Variants in CCNB1IP1 observed in about 807,000 individuals in gnomAD.
The protein encoded by CCNB1IP1 is E3 ubiquitin-protein ligase CCNB1IP1.
CCNB1IP1 carries 14 observed loss-of-function variants against 25.6 expected under a neutral mutation model. The observed-to-expected ratio is 0.55, with a 90% confidence interval of 0.36 to 0.85. The LOEUF (loss-of-function observed/expected upper bound fraction) is 0.85, where lower values mean the gene tolerates loss of function less well. Ranked by LOEUF, CCNB1IP1 falls within the 40% of genes least tolerant of loss-of-function variation. CCNB1IP1 has a pLI of 0.01. For synonymous variants in CCNB1IP1, 119 were observed against 116.1 expected (o/e 1.02, Z -0.16); for missense variants, 278 against 342.4 (o/e 0.81, Z 1.48).
chr14:20,326,692 C>T (rs895661079), intron 3 of CCNB1IP1, 24 bp downstream of exon 3: 7 of 311,476 alleles, frequency 2.2e-5, no homozygotes, highest in East Asian at 1.7e-4. Flanking sequence ...GAGGTAAAAA[C>T]GAAGATTTTG....
chr14:20,332,005 C>CATATATATATAT (rs1555314509), intron 1 of CCNB1IP1, among the ~76,000 whole-genome samples: 4 of 66,578 alleles, frequency 6.0e-5, no homozygotes, highest in African/African-American at 1.6e-4. Flanking sequence ...GATGTGTATA[C>CATATATATATAT]ATATATATAT....
rs777435304 is a variant in CCNB1IP1, at chr14:20,311,557, CTT to C, written c.825_826del (p.Arg276AsnfsTer6). 6.2e-6 allele frequency: 10 copies of C among 1,612,746 alleles called. No individual in the cohort carries two copies. In the South Asian group the frequency reaches 1.1e-4, roughly 18 times the overall value. On this transcript the variant is annotated frameshift_variant, in exon 7 of 7. Coordinates refer to ENST00000358932, the MANE Select transcript of CCNB1IP1 (RefSeq NM_021178.5). LOFTEE classifies it high-confidence loss of function. ...CGTGACACTATGCGTGGCTCAAATT[CTT>C]TTTACTTTGAAGGCCCTGCTAGAAA...
At chr14:20,330,292 A>C (rs1167064022) in intron 1 of CCNB1IP1, among the ~76,000 whole-genome samples, 3 of 152,118 alleles carry the variant, frequency 2.0e-5, no homozygotes, top group African/African-American at 2.4e-5. Context: ...TACTGGGTTC[A>C]CAGGAACAAA....
chr14:20,317,644 A>G (rs1200280980), intron 4 of CCNB1IP1: 2 of 152,200 alleles, frequency 1.3e-5, no homozygotes, highest in Non-Finnish European at 2.9e-5. Flanking sequence ...CGAATCTTCC[A>G]CCAGCTGGGA....
chr14:20,332,274 A>T (rs1883276903), intron 1 of CCNB1IP1, among the ~76,000 whole-genome samples: 2 of 151,982 alleles, frequency 1.3e-5, no homozygotes, highest in South Asian at 4.1e-4. Flanking sequence ...ACATTCGATT[A>T]ACTGGTTTAT....
At chr14:20,324,912 C>G (rs1179259333) in intron 4 of CCNB1IP1, among the ~76,000 whole-genome samples, 11 of 152,066 alleles carry the variant, frequency 7.2e-5, no homozygotes, top group Admixed American at 7.2e-4. Flanking sequence ...CTTCCACCTC[C>G]TGGGTTCAAG....
chr14:20,332,026 ATTTTTTT>A (rs57345952), intron 1 of CCNB1IP1, among the ~76,000 whole-genome samples: 1 of 40,748 alleles, frequency 2.5e-5, no homozygotes, highest in Non-Finnish European at 4.4e-5. Flanking sequence ...ATATATATAT[ATTTTTTT>A]TTTTTTTTTT....
At chr14:20,320,117 A>G (rs1015337857) in intron 4 of CCNB1IP1, among the ~76,000 whole-genome samples, 1 of 152,240 alleles carries the variant, frequency 6.6e-6, no homozygotes, top group Non-Finnish European at 1.5e-5. Context: ...CAGTAATATG[A>G]CATGCAAACA....
rs1882479227 is a variant in CCNB1IP1, at chr14:20,311,539, C to G, written c.*11G>C. On this transcript the variant is annotated 3_prime_UTR_variant, in exon 7 of 7. Coordinates refer to ENST00000358932, the MANE Select transcript of CCNB1IP1 (RefSeq NM_021178.5). ...TAGCTGGGATCACAGGTGCGTGACA[C>G]TATGCGTGGCTCAAATTCTTTTTAC... is the stretch of plus-strand genomic sequence containing the variant. 1.9e-6 allele frequency: 3 copies of G among 1,610,622 alleles called. No homozygotes were observed. Among genetic ancestry groups the G allele is most frequent in the Non-Finnish European group, 2.5e-6 (3 of 1,178,404 alleles).
intron 1 of CCNB1IP1, among the ~76,000 whole-genome samples, chr14:20,332,101 C>T (rs1467174372): frequency 8.6e-5 from 11 of 127,946 alleles, no homozygotes; most frequent in Admixed American, 2.7e-4. Flanking sequence ...ATGGCGCGAT[C>T]TCGGCTCACC....
At chr14:20,332,026 A>ATTTTTTTTT (rs57345952) in intron 1 of CCNB1IP1, among the ~76,000 whole-genome samples, 18 of 40,744 alleles carry the variant, frequency 4.4e-4, no homozygotes, top group East Asian at 3.4e-3. Context: ...ATATATATAT[A>ATTTTTTTTT]TTTTTTTTTT....
At chr14:20,314,570 A>AC (rs1882613876) in intron 5 of CCNB1IP1, 3 of 152,228 alleles carry the variant, frequency 2.0e-5, no homozygotes, top group Non-Finnish European at 4.4e-5. Context: ...TTTAAAATAC[A>AC]CCAAAGGTAT....
chr14:20,313,555 T>C lies in CCNB1IP1; in HGVS notation c.544A>G (p.Arg182Gly). The C allele has an allele frequency of 2.5e-6, 4 of 1,614,224 alleles. No individual in the cohort carries two copies. The highest frequency in any genetic ancestry group is 3.4e-6 in the Non-Finnish European group (4 of 1,180,016). Residue 182 changes from arginine (R) to glycine (G), a missense_variant, in exon 6 of 7, where the codon AGG becomes GGG. Arg to Gly is a moderately radical substitution (Grantham distance 125). Coordinates refer to ENST00000358932, the MANE Select transcript of CCNB1IP1 (RefSeq NM_021178.5). ...TTAGCAATAGTGATGTTTCGTAGCC[T>C]AAGGCTATCATAGAGGCCTTGGAGC... Reference protein sequence around the residue: ...QKLQGLYDSLRLRNITIANHE... With the variant: ...QKLQGLYDSLGLRNITIANHE...
In CCNB1IP1 at chr14:20,313,533, G is replaced by A. The variant is rs767459771; in HGVS notation, c.566C>T (p.Ala189Val). The A allele has an allele frequency of 1.9e-6, 3 of 1,613,982 alleles. No individual in the cohort carries two copies. The highest frequency in any genetic ancestry group is 1.7e-5 in the Admixed American group (1 of 59,990). ...TGGTTCAAGGGTGCCTTCATGGTTA[G>A]CAATAGTGATGTTTCGTAGCCTAAG... Reference protein sequence around the residue: ...DSLRLRNITIANHEGTLEPSM... With the variant: ...DSLRLRNITIVNHEGTLEPSM... Residue 189 changes from alanine to valine, a missense_variant, in exon 6 of 7, where the codon GCT becomes GTT. Ala to Val is a moderately conservative substitution (Grantham distance 64). Coordinates refer to ENST00000358932, the MANE Select transcript of CCNB1IP1 (RefSeq NM_021178.5).
intron 1 of CCNB1IP1, among the ~76,000 whole-genome samples, chr14:20,331,410 C>T (rs905174339): frequency 6.6e-6 from 1 of 152,160 alleles, no homozygotes; most frequent in African/African-American, 2.4e-5. Context: ...GTAGAAAATC[C>T]TTTATTGCTC....
chr14:20,325,788 C>T (rs1883057525), intron 3 of CCNB1IP1, 135 bp from the exon 4 acceptor site: 1 of 151,986 alleles, frequency 6.6e-6, no homozygotes, highest in African/African-American at 2.4e-5. Flanking sequence ...AGAATATAAG[C>T]TTGTCCTAAG....
rs1882583304 is a variant in CCNB1IP1 at position 20,313,729 on chromosome 14, T to A, written c.370A>T (p.Ile124Leu). 1 of 1,613,424 alleles carries A rather than the reference T, an allele frequency of 6.2e-7. No individual in the cohort carries two copies. Among genetic ancestry groups the A allele is most frequent in the African/African-American group, 1.3e-5 (1 of 74,866 alleles). The stretch of plus-strand genomic sequence containing the variant: ...TTGCTTTGTATTTGCTGAGTATATA[T>A]CTTCTCCATCTGTTTCAGATGGCCC... Reference protein sequence around the residue: ...AEGHLKQMEKIYTQQIQSKDV... With the variant: ...AEGHLKQMEKLYTQQIQSKDV... Residue 124 changes from isoleucine (I) to leucine (L), a missense_variant, in exon 6 of 7, where the codon ATA (isoleucine) becomes TTA (leucine). Transcript: ENST00000358932.
At chr14:20,324,613 T>C (rs372837959) in intron 4 of CCNB1IP1, among the ~76,000 whole-genome samples, 6 of 152,216 alleles carry the variant, frequency 3.9e-5, no homozygotes, top group African/African-American at 1.4e-4. Flanking sequence ...ATTTACCGTA[T>C]GCTTTACCCA....
intron 4 of CCNB1IP1, chr14:20,317,573 A>G (rs1311350353): frequency 6.6e-6 from 1 of 152,252 alleles, no homozygotes; most frequent in East Asian, 1.9e-4. Context: ...GCGGGAAAGC[A>G]GAGGAGCTGG....
Sources: allele counts gnomAD v4.1 joint callset (sites outside exome capture counted in the v4.1 genomes callset), GRCh38; gene constraint gnomAD v4.1.1; transcripts MANE v1.5; gene names NCBI Gene and HGNC (gene_info 2026-07-23, HGNC 2026-07-21).